The following YAP1 variants were observed in gnomAD, a reference collection of about 807,000 sequenced individuals.
The protein encoded by YAP1 is transcriptional coactivator YAP1.
YAP1 carries 5 observed loss-of-function variants against 56.9 expected under a neutral mutation model. The ratio of observed to expected loss-of-function variants is 0.09; its 90% confidence interval spans 0.05 to 0.18. The LOEUF is 0.18. Ranked by LOEUF, YAP1 falls within the 10% of genes least tolerant of loss-of-function variation. The pLI, the probability that YAP1 is intolerant of heterozygous loss-of-function variation, is 1.00. For missense variants in YAP1, 539 were observed against 651.8 expected, an observed-to-expected ratio of 0.83 and a Z score of 1.88; for synonymous variants, 265 against 248.1, an observed-to-expected ratio of 1.07 and a Z score of -0.64.
intron 2 of YAP1, among the ~76,000 whole-genome samples, chr11:102,143,425 G>A (rs1310223780): frequency 6.6e-6 from 1 of 152,064 alleles, no homozygotes; most frequent in Non-Finnish European, 1.5e-5. Context: ...AGATATGATT[G>A]GCATATACTT....
At chr11:102,129,591 C>A (rs988054595) in intron 2 of YAP1, among the ~76,000 whole-genome samples, 1 of 134,698 alleles carries the variant, frequency 7.4e-6, no homozygotes, top group African/African-American at 2.8e-5. Flanking sequence ...GCATTCCAGG[C>A]TGGGCAACAG....
At chr11:102,160,214 G>A (rs1454444273) in intron 2 of YAP1, among the ~76,000 whole-genome samples, 1 of 151,600 alleles carries the variant, frequency 6.6e-6, no homozygotes, top group Non-Finnish European at 1.5e-5. Flanking sequence ...GTAAAGACAG[G>A]GTTCTTCCAT....
At position 102,231,596 on chromosome 11, in the gene YAP1, A is replaced by G. The variant is rs1374472940; in HGVS notation, c.*1656A>G. 2 of 152,602 alleles carry G rather than the reference A, an allele frequency of 1.3e-5. No homozygotes were observed. Among genetic ancestry groups the G allele is most frequent in the Non-Finnish European group, 2.9e-5 (2 of 68,016 alleles). The allele number at this position is 152,602 out of a possible 1,614,324, so 9.5% of individuals were successfully genotyped here. ...AGAGTATGTGTCTACAGGAGTAATA[A>G]TGGTTTCCAAAGAGTATTTTTTAAA... On this transcript the variant is annotated 3_prime_UTR_variant, in exon 9 of 9. Coordinates refer to ENST00000282441, the MANE Select transcript of YAP1 (RefSeq NM_001130145.3).
intron 4 of YAP1, among the ~76,000 whole-genome samples, chr11:102,199,082 TGTAG>T (rs1948714580): frequency 6.6e-6 from 1 of 152,180 alleles, no homozygotes; most frequent in African/African-American, 2.4e-5. Context: ...GGAATTCGTC[TGTAG>T]GAGTCAGAGT....
At chr11:102,143,419 A>G (rs1226263130) in intron 2 of YAP1, among the ~76,000 whole-genome samples, 2 of 152,226 alleles carry the variant, frequency 1.3e-5, no homozygotes, top group South Asian at 2.1e-4. Context: ...GATTTAAGAT[A>G]TGATTGGCAT....
At position 102,183,621 on chromosome 11, in the gene YAP1, C is replaced by T. The variant is rs75314033; in HGVS notation, c.689-2397C>T. 1.9e-3 allele frequency among the ~76,000 whole-genome samples: 291 copies of T among 151,504 alleles called. 1 individual carries two copies. The highest frequency in any genetic ancestry group is 3.4e-3 in the Non-Finnish European group (232 of 67,910). On this transcript the variant is annotated intron_variant, in intron 3 of 8. Coordinates refer to ENST00000282441, the MANE Select transcript of YAP1 (RefSeq NM_001130145.3). ...AATTTACAAAATGAAGTGAGTGGAG[C>T]AGGTAGGGAAGGTTGGTTTGTATCC...
chr11:102,111,522 A>C (rs1942908352), intron 1 of YAP1, among the ~76,000 whole-genome samples: 1 of 151,114 alleles, frequency 6.6e-6, no homozygotes, highest in Admixed American at 6.6e-5. Context: ...GGGTGGGGAA[A>C]AGTCGGGCCT....
At chr11:102,144,076 C>G (rs1945179892) in intron 2 of YAP1, among the ~76,000 whole-genome samples, 1 of 152,182 alleles carries the variant, frequency 6.6e-6, no homozygotes, top group South Asian at 2.1e-4. Flanking sequence ...ACAGGATGAC[C>G]TCCAGGGTGC....
chr11:102,112,021 C>G (rs1031282389), intron 1 of YAP1, among the ~76,000 whole-genome samples: 2 of 152,212 alleles, frequency 1.3e-5, no homozygotes, highest in Non-Finnish European at 2.9e-5. Flanking sequence ...GTGTTGGTTT[C>G]CCAGTTGTAG....
chr11:102,114,690 A>G (rs1201723960), intron 2 of YAP1, among the ~76,000 whole-genome samples: 1 of 152,162 alleles, frequency 6.6e-6, no homozygotes, highest in African/African-American at 2.4e-5. Flanking sequence ...CAAACCTTTT[A>G]ATTAGCCTAG....
Position 102,231,319 on chromosome 11 carries a change from C to G in YAP1, c.*1379C>G, listed in dbSNP as rs1950428968. The G allele has an allele frequency of 6.6e-6, 1 of 152,164 alleles. No individual in the cohort carries two copies. The highest frequency in any genetic ancestry group is 2.4e-5 in the African/African-American group (1 of 41,426). 9.4% of individuals were successfully genotyped at this position (152,164 alleles called of 1,614,324 possible). A position where few individuals can be genotyped will look rare whatever the true frequency, so the allele number is the denominator to read the frequency against. On this transcript the variant is annotated 3_prime_UTR_variant, in exon 9 of 9. Coordinates refer to ENST00000282441, the MANE Select transcript of YAP1 (RefSeq NM_001130145.3). ...TTTGCCTTAGTTTTGGAAGTAAATT[C>G]TAGTTTGTAGTTCTCATTTGTAATG... is the stretch of plus-strand genomic sequence containing the variant.
intron 2 of YAP1, among the ~76,000 whole-genome samples, chr11:102,131,565 A>G (rs1409199068): frequency 6.6e-6 from 1 of 152,212 alleles, no homozygotes; most frequent in Admixed American, 6.5e-5. Context: ...GGCAGATGAC[A>G]TGCTATAGAG....
intron 6 of YAP1, among the ~76,000 whole-genome samples, chr11:102,213,421 G>T (rs1465117979): frequency 6.6e-6 from 1 of 152,162 alleles, no homozygotes; most frequent in Non-Finnish European, 1.5e-5. Flanking sequence ...GGGAGGCAGA[G>T]GTTGCAGTGA....
chr11:102,115,292 A>C (rs1216176932), intron 2 of YAP1, among the ~76,000 whole-genome samples: 1 of 152,232 alleles, frequency 6.6e-6, no homozygotes, highest in Non-Finnish European at 1.5e-5. Context: ...AATAGTGTTT[A>C]ATCAGGTTGA....
chr11:102,166,179 AGAATCAGACAAG>A (rs1230072206), intron 3 of YAP1, among the ~76,000 whole-genome samples: 4 of 152,242 alleles, frequency 2.6e-5, no homozygotes, highest in Non-Finnish European at 5.9e-5. Flanking sequence ...ATGAATTCCC[AGAATCAGACAAG>A]TTTATATCTG....
chr11:102,197,004 C>T (rs1158024724), intron 4 of YAP1, among the ~76,000 whole-genome samples: 1 of 152,060 alleles, frequency 6.6e-6, no homozygotes, highest in East Asian at 1.9e-4. Context: ...TGATTCAGTC[C>T]CCTTAGGTCA....
Position 102,231,829 on chromosome 11 carries a change from GA to G in YAP1, c.*1890del, listed in dbSNP as rs1950444275. 4 of 152,510 alleles carry G rather than the reference GA, an allele frequency of 2.6e-5. No homozygotes were observed. The allele number at this position is 152,510 out of a possible 1,614,324, so 9.4% of individuals were successfully genotyped here. A position where few individuals can be genotyped will look rare whatever the true frequency, so the allele number is the denominator to read the frequency against. The stretch of plus-strand genomic sequence containing the variant: ...TGAAAAGCCTCAGCTTGGGAAGATA[GA>G]TTTTTTTCCCCCCAATTACAAAATC... On this transcript the variant is annotated 3_prime_UTR_variant, in exon 9 of 9. Coordinates refer to ENST00000282441, the MANE Select transcript of YAP1 (RefSeq NM_001130145.3).
intron 2 of YAP1, among the ~76,000 whole-genome samples, chr11:102,137,926 C>T (rs1162105633): frequency 2.0e-5 from 3 of 151,822 alleles, no homozygotes; most frequent in East Asian, 1.9e-4. Context: ...CTTGCTCTGT[C>T]GCCCAGGCTG....
At chr11:102,181,401 G>A (rs574016881) in intron 3 of YAP1, among the ~76,000 whole-genome samples, 13 of 151,990 alleles carry the variant, frequency 8.6e-5, no homozygotes, top group African/African-American at 3.1e-4. Flanking sequence ...AGCCGAGATT[G>A]CGCCACTGCA....
Sources: allele counts gnomAD v4.1 joint callset (sites outside exome capture counted in the v4.1 genomes callset), GRCh38; gene constraint gnomAD v4.1.1; transcripts MANE v1.5; gene names NCBI Gene and HGNC (gene_info 2026-07-23, HGNC 2026-07-21).